The following RDM1 variants were observed in gnomAD, a reference collection of about 807,000 sequenced individuals.
The protein encoded by RDM1 is RAD52 motif-containing protein 1.
In RDM1, 28 loss-of-function variants were observed where a neutral mutation model predicts 27.7. The ratio of observed to expected loss-of-function variants is 1.01; its 90% CI spans 0.75 to 1.39. The LOEUF is 1.39. RDM1 is among the 40% of genes most tolerant of loss of function. RDM1 has a pLI of 0.00. For synonymous variants in RDM1, 124 were observed against 127.5 expected (o/e 0.97, Z 0.19); for missense variants, 277 against 337.3 (o/e 0.82, Z 1.40).
At chr17:35,921,761 G>A (rs535102475) in intron 5 of RDM1, among the ~76,000 whole-genome samples, 65 of 152,140 alleles carry the variant, frequency 4.3e-4, no homozygotes, top group African/African-American at 1.4e-3. Flanking sequence ...GTGTAGCTCC[G>A]AGTTTTTACA....
chr17:35,919,711 T>C (rs1248936367), intron 6 of RDM1, among the ~76,000 whole-genome samples: 1 of 152,226 alleles, frequency 6.6e-6, no homozygotes, highest in Non-Finnish European at 1.5e-5. Flanking sequence ...TTGTAACTGA[T>C]TTACAGAAAG....
intron 5 of RDM1, chr17:35,922,070 G>T (rs1036527090): frequency 6.6e-6 from 1 of 152,186 alleles, no homozygotes; most frequent in Non-Finnish European, 1.5e-5. Context: ...ACAGGAGCCC[G>T]CCACTACGCC....
At chr17:35,922,475 G>C in intron 5 of RDM1, 102 bp downstream of exon 5, 1 of 1,427,752 alleles carries the variant, frequency 7.0e-7, no homozygotes, top group Non-Finnish European at 9.5e-7. Flanking sequence ...GCATACTATA[G>C]AGTGCTTTAG....
chr17:35,920,122 T>C (rs963079012), intron 6 of RDM1, 65 bp downstream of exon 6: 3 of 799,484 alleles, frequency 3.8e-6, no homozygotes, highest in African/African-American at 1.8e-5. Flanking sequence ...CTCCAAATTA[T>C]GCTGCTTTTT....
chr17:35,922,349 G>T, intron 5 of RDM1: 1 of 512,464 alleles, frequency 2.0e-6, no homozygotes, highest in Non-Finnish European at 3.4e-6. Context: ...TGTGGGAACT[G>T]AGGCAAGTCT....
At chr17:35,920,069 G>T in intron 6 of RDM1, 118 bp downstream of exon 6, 1 of 571,394 alleles carries the variant, frequency 1.8e-6, no homozygotes, top group South Asian at 2.1e-5. Flanking sequence ...GCACTCAAAA[G>T]TAGTATCAGT....
At chr17:35,918,711 A>G (rs115467586) in intron 6 of RDM1, among the ~76,000 whole-genome samples, 5,510 of 152,202 alleles carry the variant, frequency 0.036, 314 homozygotes, top group African/African-American at 0.12. Flanking sequence ...TAGAAATTAC[A>G]GCGCCACTCT....
intron 6 of RDM1, among the ~76,000 whole-genome samples, 168 bp downstream of exon 6, chr17:35,920,019 C>G (rs2141924376): frequency 6.6e-6 from 1 of 152,270 alleles, no homozygotes; most frequent in Non-Finnish European, 1.5e-5. Flanking sequence ...GCGGTCAGAG[C>G]CAAAGGTCAA....
At chr17:35,928,763 TAA>T (rs1184019323) in intron 2 of RDM1, among the ~76,000 whole-genome samples, 9 of 129,382 alleles carry the variant, frequency 7.0e-5, no homozygotes, top group Non-Finnish European at 6.6e-5. Flanking sequence ...ACTCTGTCTT[TAA>T]AAAAAAAAAA....
In RDM1 at chr17:35,920,643, C is replaced by T. The variant is rs142030518; in HGVS notation, c.668-371G>A. 2.8e-3 allele frequency among the ~76,000 whole-genome samples: 430 copies of T among 151,358 alleles called. 1 individual carries two copies. The highest frequency in any genetic ancestry group is 9.8e-3 in the African/African-American group (404 of 41,222). On this transcript the variant is annotated intron_variant, in intron 5 of 6. Coordinates refer to ENST00000620284, the MANE Select transcript of RDM1 (RefSeq NM_145654.4). ...CCTGCCTAATTTTTTTTTTTAGAGA[C>T]GTGGTCTTGCTTTGTTGCCCAGGCT...
intron 1 of RDM1, 158 bp from the exon 2 acceptor site, chr17:35,930,413 A>AACTT (rs1202206034): frequency 4.1e-5 from 43 of 1,053,346 alleles, no homozygotes; most frequent in African/African-American, 1.4e-4. Context: ...AAACTTTAAG[A>AACTT]AGCACTGGAA....
In RDM1 at chr17:35,930,739, C is replaced by T. The variant is rs376295506; in HGVS notation, c.-12G>A. 12 of 1,611,832 alleles carry T rather than the reference C, an allele frequency of 7.4e-6. No individual in the cohort carries two copies. In the African/African-American group the frequency reaches 1.6e-4, roughly 21 times the overall value. ...ACCAACTCCGCCATCCTCCCTTCACCGCACCTGCGCGGCTAACCCTCGCCC... is the reference window on the plus strand; with the variant it reads ...ACCAACTCCGCCATCCTCCCTTCACTGCACCTGCGCGGCTAACCCTCGCCC... On this transcript the variant is annotated 5_prime_UTR_variant, in exon 1 of 7. Coordinates refer to ENST00000620284, the MANE Select transcript of RDM1 (RefSeq NM_145654.4).
At chr17:35,920,311 T>A in intron 5 of RDM1, 39 bp from the exon 6 acceptor site, 1 of 1,098,598 alleles carries the variant, frequency 9.1e-7, no homozygotes, top group Non-Finnish European at 1.4e-6. Context: ...AGAATCTTTT[T>A]CATTCTAAAA....
At chr17:35,920,150 C>T (rs749990809) in intron 6 of RDM1, 37 bp downstream of exon 6, 2 of 982,164 alleles carry the variant, frequency 2.0e-6, no homozygotes, top group Admixed American at 4.4e-5. Context: ...TATGGTTACA[C>T]TGGCTATGTT....
At position 35,930,712 on chromosome 17, in the gene RDM1, G is replaced by A; in HGVS notation, c.16C>T (p.Pro6Ser). Residue 6 changes from proline (P) to serine (S), a missense_variant, in exon 1 of 7, where the codon CCT becomes TCT. By Grantham distance (74) the Pro-to-Ser change is moderately conservative. Coordinates refer to ENST00000620284, the MANE Select transcript of RDM1 (RefSeq NM_145654.4). Reference sequence around the variant, plus strand: ...TCACTCTCGATGGGAACCGCAAAAGGTACCAACTCCGCCATCCTCCCTTCA... The same window carrying A: ...TCACTCTCGATGGGAACCGCAAAAGATACCAACTCCGCCATCCTCCCTTCA... MAELVPFAVPIESDKT... is the reference protein window; with the variant it reads MAELVSFAVPIESDKT... 3 of 1,613,548 alleles carry A rather than the reference G, an allele frequency of 1.9e-6. No individual in the cohort carries two copies. The highest frequency in any genetic ancestry group is 1.3e-5 in the African/African-American group (1 of 75,020).
At chr17:35,927,207 G>A (rs911505030) in intron 2 of RDM1, among the ~76,000 whole-genome samples, 12 of 151,790 alleles carry the variant, frequency 7.9e-5, no homozygotes, top group African/African-American at 2.9e-4. Flanking sequence ...TTGGGAGGCC[G>A]AGGCGGCAGA....
At chr17:35,925,853 C>T (rs2089129322) in intron 2 of RDM1, among the ~76,000 whole-genome samples, 1 of 152,048 alleles carries the variant, frequency 6.6e-6, no homozygotes, top group Non-Finnish European at 1.5e-5. Flanking sequence ...GATGAAATAA[C>T]ACCAGGTGCA....
rs191410149 is a variant in RDM1, at chr17:35,930,604, C to A, written c.96+28G>T. 5.6e-6 allele frequency: 9 copies of A among 1,600,112 alleles called. No homozygotes were observed. The South Asian group carries it at 1.0e-4, about 18-fold the overall frequency. On this transcript the variant is annotated intron_variant, in intron 1 of 6. Coordinates refer to ENST00000620284, the MANE Select transcript of RDM1 (RefSeq NM_145654.4). ...TCAGCGGGTGGGCAGCTTTCTCCAT[C>A]CCTCCCTCCATCCTGGCCCCGGCTC...
chr17:35,929,967 C>T, intron 2 of RDM1, 109 bp downstream of exon 2: 1 of 981,768 alleles, frequency 1.0e-6, no homozygotes, highest in Non-Finnish European at 1.5e-6. Context: ...ATTAGTGTGG[C>T]AATGCATCTG....
Sources: gnomAD v4.1 joint callset for allele counts (sites outside exome capture counted in the v4.1 genomes callset) on GRCh38, gnomAD v4.1.1 for gene constraint, MANE v1.5 for transcripts, NCBI Gene and HGNC (gene_info 2026-07-23, HGNC 2026-07-21) for gene names.